Variants in NBAS observed in about 807,000 individuals in gnomAD.
NBAS encodes NAG/BC035112 fusion.
A neutral mutation model predicts 302.5 loss-of-function variants in NBAS; 219 were observed. The observed-to-expected ratio is 0.72, with a 90% confidence interval of 0.65 to 0.81. NBAS has a LOEUF of 0.81. NBAS is among the 30% of genes least tolerant of loss of function. The pLI, the probability that NBAS is intolerant of heterozygous loss-of-function variation, is 0.00. For missense variants in NBAS, 2,932 were observed against 2,841.6 expected, an observed-to-expected ratio of 1.03 and a Z score of -0.72; for synonymous variants, 1,118 against 1,021.6, an observed-to-expected ratio of 1.09 and a Z score of -1.80.
chr2:15,352,064 C>G lies in NBAS; in HGVS notation c.4107G>C (p.Val1369=), dbSNP rs749325279. ...CTCCTTCATGATGGATCTGGAAATT[C>G]ACTCTTTGATAAAGAATCTAAAACA... ...SLQTEILYQR[V]NFQIHHEGGE... The change falls in exon 35 of 52, where the codon GTG becomes GTC. Residue 1369 remains valine (V), a synonymous_variant. Coordinates refer to ENST00000281513, the MANE Select transcript of NBAS (RefSeq NM_015909.4). 2 of 1,609,932 alleles carry G rather than the reference C, an allele frequency of 1.2e-6. No individual in the cohort carries two copies. Among genetic ancestry groups the G allele is most frequent in the East Asian group, 4.5e-5 (2 of 44,782 alleles).
At chr2:15,204,577 C>T (rs1254162107) in intron 48 of NBAS, among the ~76,000 whole-genome samples, 1 of 152,090 alleles carries the variant, frequency 6.6e-6, no homozygotes, top group Non-Finnish European at 1.5e-5. Flanking sequence ...TTTTGCGGCA[C>T]TATTCACAAT....
the NBAS span, among the ~76,000 whole-genome samples, chr2:14,847,737 C>G: frequency 6.6e-6 from 1 of 152,144 alleles, no homozygotes; most frequent in Non-Finnish European, 1.5e-5. Context: ...AGACAGAAAA[C>G]CAACGAAGAA....
chr2:14,797,361 C>T, the NBAS span, among the ~76,000 whole-genome samples: 1 of 152,214 alleles, frequency 6.6e-6, no homozygotes, highest in African/African-American at 2.4e-5. Flanking sequence ...ACCAATGTAG[C>T]TTTCTTGCCC....
intron 44 of NBAS, among the ~76,000 whole-genome samples, chr2:15,249,046 A>C (rs1403585755): frequency 6.6e-6 from 1 of 152,222 alleles, no homozygotes; most frequent in Admixed American, 6.5e-5. Context: ...CCTGATGAAC[A>C]TCGATGCAAA....
At chr2:15,243,457 C>T (rs916838670) in intron 44 of NBAS, among the ~76,000 whole-genome samples, 4 of 151,704 alleles carry the variant, frequency 2.6e-5, no homozygotes, top group Admixed American at 6.6e-5. Context: ...AGTCTTTTAT[C>T]GGATTAGGTG....
Position 15,287,997 on chromosome 2 carries a change from A to G in NBAS, c.5028-814T>C, listed in dbSNP as rs563830527. Among the ~76,000 whole-genome samples the G allele has an allele frequency of 2.0e-5, 3 of 151,772 alleles. No homozygotes were observed. In the East Asian group the frequency reaches 6.0e-4, roughly 30 times the overall value. On this transcript the variant is annotated intron_variant, in intron 41 of 51. Coordinates refer to ENST00000281513, the MANE Select transcript of NBAS (RefSeq NM_015909.4). ...TAGGCAGCCCCGCATGGGCATCCCG[A>G]GCACCCAGCGTGGGCATCCCGAGCA...
the NBAS span, among the ~76,000 whole-genome samples, chr2:15,118,640 A>C: frequency 6.6e-6 from 1 of 152,196 alleles, no homozygotes; most frequent in Non-Finnish European, 1.5e-5. Flanking sequence ...TAGAAAGGCT[A>C]TAAGGACAGC....
At chr2:15,318,758 T>C (rs557443050) in intron 38 of NBAS, among the ~76,000 whole-genome samples, 43 of 152,240 alleles carry the variant, frequency 2.8e-4, no homozygotes, top group African/African-American at 8.9e-4. Context: ...AGCAAGTCCT[T>C]AGAGACCTAA....
intron 42 of NBAS, among the ~76,000 whole-genome samples, chr2:15,278,264 C>T (rs1284516361): frequency 3.3e-5 from 5 of 152,156 alleles, no homozygotes; most frequent in Non-Finnish European, 5.9e-5. Context: ...GGTCTTTTTA[C>T]TTTTGCTTCA....
intron 44 of NBAS, among the ~76,000 whole-genome samples, chr2:15,262,970 T>TA (rs1025524716): frequency 6.6e-6 from 1 of 152,146 alleles, no homozygotes; most frequent in Non-Finnish European, 1.5e-5. Flanking sequence ...CAAATGCAGG[T>TA]AGCACACATG....
At chr2:15,197,458 C>A (rs1237209812) in intron 48 of NBAS, among the ~76,000 whole-genome samples, 1 of 152,194 alleles carries the variant, frequency 6.6e-6, no homozygotes, top group Non-Finnish European at 1.5e-5. Context: ...TTCAATTCCA[C>A]AAACACTAAC....
At chr2:15,488,654 C>G (rs2148611765) in intron 12 of NBAS, among the ~76,000 whole-genome samples, 1 of 152,230 alleles carries the variant, frequency 6.6e-6, no homozygotes, top group South Asian at 2.1e-4. Context: ...GTTTAACAAA[C>G]TCTTTTACAG....
intron 44 of NBAS, among the ~76,000 whole-genome samples, chr2:15,274,075 G>A (rs995498652): frequency 2.0e-5 from 3 of 150,614 alleles, no homozygotes; most frequent in East Asian, 1.9e-4. Context: ...GCGAGACTCC[G>A]TCTCAAAAAA....
chr2:15,425,596 T>C (rs1387303939), intron 22 of NBAS, among the ~76,000 whole-genome samples: 1 of 152,180 alleles, frequency 6.6e-6, no homozygotes, highest in Non-Finnish European at 1.5e-5. Flanking sequence ...ACTTTGCTTA[T>C]ACCTGCCACT....
chr2:15,303,266 T>C (rs1445559747), intron 40 of NBAS, among the ~76,000 whole-genome samples: 1 of 152,166 alleles, frequency 6.6e-6, no homozygotes, highest in African/African-American at 2.4e-5. Flanking sequence ...GGTGGGTTGA[T>C]AGAAGCTGGA....
the NBAS span, among the ~76,000 whole-genome samples, chr2:15,043,155 T>G: frequency 6.6e-6 from 1 of 152,062 alleles, no homozygotes; most frequent in South Asian, 2.1e-4. Context: ...GGGTCATCTC[T>G]GTAATCTGTG....
chr2:15,080,955 C>G, the NBAS span, among the ~76,000 whole-genome samples: 15 of 152,108 alleles, frequency 9.9e-5, no homozygotes, highest in African/African-American at 3.6e-4. Context: ...AGAAACAAAC[C>G]CAGCCCTTGA....
the NBAS span, among the ~76,000 whole-genome samples, chr2:15,042,694 C>T: frequency 6.6e-6 from 1 of 152,164 alleles, no homozygotes; most frequent in Non-Finnish European, 1.5e-5. Context: ...CATTCACTGC[C>T]AGGTCCAAGG....
chr2:15,551,427 T>A, intron 6 of NBAS, 66 bp downstream of exon 6: 1 of 1,084,704 alleles, frequency 9.2e-7, no homozygotes, highest in East Asian at 2.5e-5. Flanking sequence ...TTCTAACTTT[T>A]AAGAAACATT....
Sources: gnomAD v4.1 joint callset for allele counts (sites outside exome capture counted in the v4.1 genomes callset) on GRCh38, gnomAD v4.1.1 for gene constraint, MANE v1.5 for transcripts, NCBI Gene and HGNC (gene_info 2026-07-23, HGNC 2026-07-21) for gene names.